The following ITSN1 variants were observed in gnomAD, a reference collection of about 807,000 sequenced individuals.
ITSN1 encodes intersectin 1.
A neutral mutation model predicts 239.8 loss-of-function variants in ITSN1; 58 were observed. That is an observed-to-expected ratio of 0.24 (90% confidence interval 0.20 to 0.30). ITSN1 has a LOEUF of 0.30. ITSN1 is among the 10% of genes least tolerant of loss of function. The pLI, the probability that ITSN1 is intolerant of heterozygous loss-of-function variation, is 1.00. For synonymous variants in ITSN1, 780 were observed against 770.8 expected, an observed-to-expected ratio of 1.01 and a Z score of -0.20; for missense variants, 1,558 against 2,103.3, an observed-to-expected ratio of 0.74 and a Z score of 5.07.
chr21:33,696,847 A>T (rs1034071994), intron 1 of ITSN1, among the ~76,000 whole-genome samples: 5 of 152,176 alleles, frequency 3.3e-5, no homozygotes, highest in South Asian at 2.1e-4. Context: ...CGTGCCGATG[A>T]GCTGATAATA....
Position 33,794,433 on chromosome 21 carries a change from C to A in ITSN1, c.1917C>A (p.Ile639=), listed in dbSNP as rs1468362344. The A allele has an allele frequency of 1.9e-6, 3 of 1,613,294 alleles. No homozygotes were observed. The highest frequency in any genetic ancestry group is 1.1e-5 in the South Asian group (1 of 90,922). The change falls in exon 17 of 40, where the codon ATC becomes ATA. Residue 639 remains isoleucine, a synonymous_variant. Coordinates refer to ENST00000381318, the MANE Select transcript of ITSN1 (RefSeq NM_003024.3). ...AACAGAAAGAACAAGAACGAAAGAT[C>A]ATAGAATTAGAAAAACAAAAAGAAG... The part of the protein sequence containing the change: ...RLKQKEQERK[I]IELEKQKEEA...
chr21:33,750,483 T>G (rs1436286690), intron 6 of ITSN1, among the ~76,000 whole-genome samples, 161 bp downstream of exon 6: 3 of 152,226 alleles, frequency 2.0e-5, no homozygotes, highest in Non-Finnish European at 4.4e-5. Context: ...TTTTTTCCAC[T>G]GTATTAAATG....
chr21:33,816,872 G>A (rs2073311462), intron 22 of ITSN1, among the ~76,000 whole-genome samples: 2 of 152,148 alleles, frequency 1.3e-5, no homozygotes, highest in Admixed American at 1.3e-4. Context: ...TTGAAGGAGT[G>A]AATGTACAGC....
At chr21:33,837,010 C>G (rs762603747) in intron 29 of ITSN1, 10 of 1,613,406 alleles carry the variant, frequency 6.2e-6, no homozygotes, top group South Asian at 1.1e-5. Flanking sequence ...TCCATCCCCC[C>G]CTCAGGCTTG....
chr21:33,838,275 C>T (rs917346149), intron 29 of ITSN1: 8 of 985,256 alleles, frequency 8.1e-6, no homozygotes, highest in African/African-American at 5.2e-5. Flanking sequence ...CTCGCGTTCT[C>T]CCGGCGCTGT....
chr21:33,812,958 C>T (rs1399142756), intron 21 of ITSN1, among the ~76,000 whole-genome samples: 1 of 152,038 alleles, frequency 6.6e-6, no homozygotes, highest in African/African-American at 2.4e-5. Flanking sequence ...TGTTGAGAAG[C>T]TCCAGCTCCA....
intron 31 of ITSN1, among the ~76,000 whole-genome samples, chr21:33,861,036 A>G (rs1198025787): frequency 2.0e-5 from 3 of 152,168 alleles, no homozygotes; most frequent in Non-Finnish European, 4.4e-5. Flanking sequence ...TAACTGGCTC[A>G]TGTCTTCATC....
rs143084925 is a variant in ITSN1, at chr21:33,798,382, G to A, written c.2182+774G>A. On this transcript the variant is annotated intron_variant, in intron 18 of 39. Transcript: ENST00000381318. ...TTCAGAGTACTGAAATTACAAGCAT[G>A]AGCCACCATGCCTAGCCTAATTTGC... 1.0e-3 allele frequency among the ~76,000 whole-genome samples: 151 copies of A among 151,606 alleles called. 1 individual carries two copies. The highest frequency in any genetic ancestry group is 3.5e-3 in the African/African-American group (144 of 41,250).
intron 7 of ITSN1, among the ~76,000 whole-genome samples, chr21:33,753,527 C>T (rs536898660): frequency 6.6e-6 from 1 of 152,006 alleles, no homozygotes; most frequent in Non-Finnish European, 1.5e-5. Flanking sequence ...CTTTGGTAGG[C>T]CAAGGTGGGC....
rs945408984 is a variant in ITSN1 at position 33,686,767 on chromosome 21, G to A, written c.-32-32030G>A. On this transcript the variant is annotated intron_variant, in intron 1 of 39. Coordinates refer to ENST00000381318, the MANE Select transcript of ITSN1 (RefSeq NM_003024.3). ...GTGCCATCTAATAAAGTCAAAATGA[G>A]GTCCTGCATGTTACCTGGCATAAAT... Among the ~76,000 whole-genome samples the A allele has an allele frequency of 3.3e-5, 5 of 152,262 alleles. No homozygotes were observed. The East Asian group carries it at 7.7e-4, about 24-fold the overall frequency.
intron 1 of ITSN1, among the ~76,000 whole-genome samples, chr21:33,712,356 G>A (rs1327445788): frequency 1.3e-5 from 2 of 152,190 alleles, no homozygotes; most frequent in African/African-American, 4.8e-5. Flanking sequence ...GGTTAGATCT[G>A]CCTTGGTTAT....
intron 29 of ITSN1, among the ~76,000 whole-genome samples, chr21:33,849,125 C>G (rs973160972): frequency 6.6e-6 from 1 of 151,896 alleles, no homozygotes; most frequent in Non-Finnish European, 1.5e-5. Flanking sequence ...CTTGTCCCAG[C>G]TACTTGGGAG....
chr21:33,750,415 T>C (rs2147471192), intron 6 of ITSN1, 93 bp downstream of exon 6: 1 of 1,161,598 alleles, frequency 8.6e-7, no homozygotes, highest in Non-Finnish European at 1.2e-6. Context: ...TCTGATTATG[T>C]TTAAATGATA....
At chr21:33,830,113 G>T (rs772120958) in intron 27 of ITSN1, among the ~76,000 whole-genome samples, 18 of 152,138 alleles carry the variant, frequency 1.2e-4, no homozygotes, top group Non-Finnish European at 2.4e-4. Flanking sequence ...AGATTTCTTT[G>T]CATTCAAAGC....
Position 33,655,371 on chromosome 21 carries a change from G to A in ITSN1, c.-33+12658G>A, listed in dbSNP as rs1601455036. 2.0e-5 allele frequency among the ~76,000 whole-genome samples: 3 copies of A among 152,216 alleles called. No individual in the cohort carries two copies. In the East Asian group the frequency reaches 5.8e-4, roughly 29 times the overall value. The stretch of plus-strand genomic sequence containing the variant: ...ACAGTGTACAGTATTATGTGCATCT[G>A]TATAGGGGGTGAGTCTGAATTCTGT... On this transcript the variant is annotated intron_variant, in intron 1 of 39. Coordinates refer to ENST00000381318, the MANE Select transcript of ITSN1 (RefSeq NM_003024.3).
chr21:33,859,771 A>G (rs1980108957), intron 31 of ITSN1, among the ~76,000 whole-genome samples: 1 of 152,218 alleles, frequency 6.6e-6, no homozygotes, highest in Admixed American at 6.5e-5. Flanking sequence ...AGAGGTGGAC[A>G]TGAAGAAAGA....
At chr21:33,729,888 T>C (rs1027374505) in intron 4 of ITSN1, among the ~76,000 whole-genome samples, 5 of 152,252 alleles carry the variant, frequency 3.3e-5, no homozygotes, top group African/African-American at 1.2e-4. Context: ...TTCAGCTTAC[T>C]TTTCTACCTT....
In ITSN1 at chr21:33,868,579, C is replaced by T. The variant is rs1317587614; in HGVS notation, c.4173+1248C>T. Among the ~76,000 whole-genome samples the T allele has an allele frequency of 2.0e-5, 3 of 152,224 alleles. No individual in the cohort carries two copies. In the South Asian group the frequency reaches 6.2e-4, roughly 31 times the overall value. On this transcript the variant is annotated intron_variant, in intron 33 of 39. Coordinates refer to ENST00000381318, the MANE Select transcript of ITSN1 (RefSeq NM_003024.3). ...GCCCGGGTGCTAAGTCCCTCATTGC[C>T]CGGAGCCAGCAGGGCCGGCCGGCTG...
intron 25 of ITSN1, among the ~76,000 whole-genome samples, chr21:33,825,360 G>A (rs146004370): frequency 1.1e-3 from 166 of 152,064 alleles, no homozygotes; most frequent in Non-Finnish European, 1.1e-3. Flanking sequence ...CAGCTCTTTC[G>A]TCCTACTTGA....
Sources: allele counts gnomAD v4.1 joint callset (sites outside exome capture counted in the v4.1 genomes callset), GRCh38; gene constraint gnomAD v4.1.1; transcripts MANE v1.5; gene names NCBI Gene and HGNC (gene_info 2026-07-23, HGNC 2026-07-21).